The following GNA12 variants were observed in gnomAD, a reference collection of about 807,000 sequenced individuals.
The protein encoded by GNA12 is guanine nucleotide-binding protein subunit alpha-12.
In GNA12, 9 loss-of-function variants were observed where a neutral mutation model predicts 26.0. That is an observed-to-expected ratio of 0.35 (90% CI 0.21 to 0.60). GNA12 has a LOEUF of 0.60. Ranked by LOEUF, GNA12 falls within the 20% of genes least tolerant of loss-of-function variation. The pLI, the probability that GNA12 is intolerant of heterozygous loss-of-function variation, is 0.78. For synonymous variants in GNA12, 264 were observed against 219.6 expected, an observed-to-expected ratio of 1.20 and a Z score of -1.79; for missense variants, 405 against 525.8, an observed-to-expected ratio of 0.77 and a Z score of 2.25.
intron 2 of GNA12, among the ~76,000 whole-genome samples, chr7:2,793,416 C>T (rs532910131): frequency 1.8e-4 from 28 of 152,088 alleles, no homozygotes; most frequent in Admixed American, 6.5e-5. Context: ...GCTTTCATAC[C>T]GATGTCAACT....
intron 1 of GNA12, among the ~76,000 whole-genome samples, chr7:2,819,273 C>T (rs3778900): frequency 2.0e-4 from 30 of 152,316 alleles, no homozygotes; most frequent in Middle Eastern, 3.4e-3. Flanking sequence ...CCTGAATGAA[C>T]TTGGATGCCG....
intron 1 of GNA12, chr7:2,815,345 T>C (rs772219567): frequency 5.2e-6 from 1 of 192,858 alleles, no homozygotes; most frequent in South Asian, 9.8e-5. Flanking sequence ...CAGGAGGAGC[T>C]TTCCTGGTGG....
At position 2,795,151 on chromosome 7, in the gene GNA12, A is replaced by G; in HGVS notation, c.310-8T>C. ...AACAAGAACCCTTGAGCCCTAGAAA[A>G]TAAAAGAAAGAAGAGAGGATTTAAT... On this transcript the variant is annotated splice_polypyrimidine_tract_variant and splice_region_variant and intron_variant, in intron 1 of 3. Transcript: ENST00000275364. The G allele has an allele frequency of 1.2e-6, 2 of 1,605,214 alleles. No individual in the cohort carries two copies. The highest frequency in any genetic ancestry group is 1.3e-5 in the African/African-American group (1 of 74,780).
chr7:2,756,086 G>A (rs920982677), intron 2 of GNA12, among the ~76,000 whole-genome samples: 3 of 152,002 alleles, frequency 2.0e-5, no homozygotes, highest in Admixed American at 1.3e-4. Flanking sequence ...GTTTATCATC[G>A]GCAAAAGAAA....
intron 1 of GNA12, among the ~76,000 whole-genome samples, chr7:2,817,298 G>A (rs1008994595): frequency 1.3e-5 from 2 of 152,162 alleles, no homozygotes; most frequent in African/African-American, 4.8e-5. Context: ...TAGAAACGGG[G>A]TTTCACCACA....
rs182653449 is a variant in GNA12, at chr7:2,791,227, G to A, written c.525+3701C>T. On this transcript the variant is annotated intron_variant, in intron 2 of 3. Coordinates refer to ENST00000275364, the MANE Select transcript of GNA12 (RefSeq NM_007353.3). Reference sequence around the variant, plus strand: ...ATCCTGCTCTGTCTTACTTAACTGTGTTTTGGAAGATAAGGTCTAACATGG... The same window carrying A: ...ATCCTGCTCTGTCTTACTTAACTGTATTTTGGAAGATAAGGTCTAACATGG... Among the ~76,000 whole-genome samples, 7 of 152,334 alleles carry A rather than the reference G, an allele frequency of 4.6e-5. No homozygotes were observed. In the East Asian group the frequency reaches 1.2e-3, roughly 25 times the overall value.
chr7:2,789,603 T>G (rs1324044182), intron 2 of GNA12, among the ~76,000 whole-genome samples: 1 of 152,210 alleles, frequency 6.6e-6, no homozygotes, highest in South Asian at 2.1e-4. Flanking sequence ...GAGACCTGCC[T>G]GCACCCACCT....
intron 2 of GNA12, among the ~76,000 whole-genome samples, chr7:2,792,807 G>T (rs767906714): frequency 7.9e-5 from 12 of 152,174 alleles, no homozygotes; most frequent in Non-Finnish European, 1.2e-4. Flanking sequence ...TAGTAAAAAC[G>T]TCATCCTTAA....
intron 1 of GNA12, among the ~76,000 whole-genome samples, chr7:2,842,219 CCCT>C (rs1172948610): frequency 6.6e-6 from 1 of 151,686 alleles, no homozygotes; most frequent in Non-Finnish European, 1.5e-5. Flanking sequence ...CTGCACTGTT[CCCT>C]CATCATCAGT....
rs115418563 is a variant in GNA12, at chr7:2,792,260, G to A, written c.525+2668C>T. Among the ~76,000 whole-genome samples the A allele has an allele frequency of 4.8e-3, 728 of 152,362 alleles. 10 individuals carry two copies. The highest frequency in any genetic ancestry group is 0.017 in the African/African-American group (704 of 41,580). On this transcript the variant is annotated intron_variant, in intron 2 of 3. Coordinates refer to ENST00000275364, the MANE Select transcript of GNA12 (RefSeq NM_007353.3). ...GAATGAATGAATGAGTGAAGAAGGG[G>A]AGAAACAAGCAGACTGGGCTTTGAG...
At chr7:2,791,895 T>A (rs1792529322) in intron 2 of GNA12, among the ~76,000 whole-genome samples, 1 of 152,148 alleles carries the variant, frequency 6.6e-6, no homozygotes, top group South Asian at 2.1e-4. Flanking sequence ...GGCAAATGTA[T>A]AAAGTATAGG....
intron 2 of GNA12, among the ~76,000 whole-genome samples, chr7:2,755,118 T>G (rs1028137725): frequency 6.6e-6 from 1 of 152,126 alleles, no homozygotes; most frequent in Non-Finnish European, 1.5e-5. Context: ...GTCTGTCCAG[T>G]GACCTCGTGT....
At chr7:2,782,747 GC>G (rs1299177334) in intron 2 of GNA12, among the ~76,000 whole-genome samples, 1 of 151,596 alleles carries the variant, frequency 6.6e-6, no homozygotes, top group Non-Finnish European at 1.5e-5. Flanking sequence ...ACATGGTGCT[GC>G]CCCGACTTTT....
At chr7:2,831,646 G>A (rs561195787) in intron 1 of GNA12, among the ~76,000 whole-genome samples, 63 of 151,670 alleles carry the variant, frequency 4.2e-4, no homozygotes, top group African/African-American at 1.5e-3. Context: ...CTCGTGATCC[G>A]CCCGCCTCAG....
At chr7:2,737,264 G>A (rs1790231128) in intron 2 of GNA12, among the ~76,000 whole-genome samples, 1 of 52,452 alleles carries the variant, frequency 1.9e-5, no homozygotes, top group Non-Finnish European at 4.0e-5. Flanking sequence ...CTATCTCACA[G>A]TTTTGTTTTG....
rs533033069 is a variant in GNA12, at chr7:2,735,912, C to T, written c.526-2411G>A. Among the ~76,000 whole-genome samples, 4 of 152,224 alleles carry T rather than the reference C, an allele frequency of 2.6e-5. No homozygotes were observed. In the South Asian group the frequency reaches 6.2e-4, roughly 24 times the overall value. On this transcript the variant is annotated intron_variant, in intron 2 of 3. Coordinates refer to ENST00000275364, the MANE Select transcript of GNA12 (RefSeq NM_007353.3). ...CTGGAGGGGAGGGAAGAAGGGGACA[C>T]AGAGCAACCCTGTGTGATCCAGAAC...
In GNA12 at chr7:2,742,925, C is replaced by T. The variant is rs540005667; in HGVS notation, c.526-9424G>A. Among the ~76,000 whole-genome samples the T allele has an allele frequency of 2.6e-4, 39 of 152,314 alleles. No homozygotes were observed. The Middle Eastern group carries it at 0.01, about 40-fold the overall frequency. ...GCTCTGTATTCATTCTAATAATAGA[C>T]CTGTAGGTTCTTCTCAATTTTCCAG... On this transcript the variant is annotated intron_variant, in intron 2 of 3. Coordinates refer to ENST00000275364, the MANE Select transcript of GNA12 (RefSeq NM_007353.3).
In GNA12 at chr7:2,836,698, T is replaced by G. The variant is rs112408366; in HGVS notation, c.309+7155A>C. 4.8e-3 allele frequency among the ~76,000 whole-genome samples: 735 copies of G among 151,758 alleles called. 7 individuals carry two copies. The highest frequency in any genetic ancestry group is 0.017 in the African/African-American group (681 of 41,212). ...CAGCACTTTGGGAGGCCGAGGCGGGTGGATCACCTGAGGTCAGGAGTTCGA... is the reference window on the plus strand; with the variant it reads ...CAGCACTTTGGGAGGCCGAGGCGGGGGGATCACCTGAGGTCAGGAGTTCGA... On this transcript the variant is annotated intron_variant, in intron 1 of 3. Transcript: ENST00000275364.
chr7:2,761,269 A>AGTTTCCTCT (rs1222101121), intron 2 of GNA12, among the ~76,000 whole-genome samples: 6 of 152,088 alleles, frequency 3.9e-5, no homozygotes. Flanking sequence ...TCTGGGTCTC[A>AGTTTCCTCT]GTTTCCTCTT....
Sources: allele counts gnomAD v4.1 joint callset (sites outside exome capture counted in the v4.1 genomes callset), GRCh38; gene constraint gnomAD v4.1.1; transcripts MANE v1.5; gene names NCBI Gene and HGNC (gene_info 2026-07-23, HGNC 2026-07-21).